Variants in KCNH8 observed in about 807,000 individuals in gnomAD.
KCNH8 encodes potassium voltage-gated channel subfamily H member 8.
Under a neutral mutation model 103.6 loss-of-function variants are expected in KCNH8, and 70 were observed. That is an observed-to-expected ratio of 0.68 (90% CI 0.56 to 0.82). The LOEUF is 0.82. Ranked by LOEUF, KCNH8 falls within the 40% of genes least tolerant of loss-of-function variation. The pLI is 0.00. For synonymous variants in KCNH8, 498 were observed against 489.4 expected (o/e 1.02, Z -0.23); for missense variants, 1,217 against 1,329.9 (o/e 0.92, Z 1.32).
chr3:19,436,745 AACAG>A (rs2067205555), intron 7 of KCNH8, among the ~76,000 whole-genome samples: 1 of 152,216 alleles, frequency 6.6e-6, no homozygotes, highest in South Asian at 2.1e-4. Flanking sequence ...TGTGTAAATG[AACAG>A]ACATTGAGTA....
intron 1 of KCNH8, among the ~76,000 whole-genome samples, chr3:19,231,650 C>G (rs537634894): frequency 2.0e-5 from 3 of 152,266 alleles, no homozygotes; most frequent in African/African-American, 7.2e-5. Context: ...GGCCAGCCTA[C>G]AAGATCATAT....
At chr3:19,270,171 A>G (rs1448830154) in intron 2 of KCNH8, among the ~76,000 whole-genome samples, 4 of 152,116 alleles carry the variant, frequency 2.6e-5, no homozygotes, top group Non-Finnish European at 2.9e-5. Flanking sequence ...TTTTTAATGT[A>G]TTGTCTATTA....
At chr3:19,502,366 C>T (rs1359730642) in intron 11 of KCNH8, among the ~76,000 whole-genome samples, 1 of 150,192 alleles carries the variant, frequency 6.7e-6, no homozygotes, top group Non-Finnish European at 1.5e-5. Flanking sequence ...TTTACAGATT[C>T]AATGCCATCC....
At chr3:19,212,312 G>A (rs1275413441) in intron 1 of KCNH8, among the ~76,000 whole-genome samples, 1 of 152,126 alleles carries the variant, frequency 6.6e-6, no homozygotes, top group Non-Finnish European at 1.5e-5. Context: ...TTGAAACCCA[G>A]ACCCACTTGA....
At chr3:19,474,143 A>G (rs2067920363) in intron 11 of KCNH8, among the ~76,000 whole-genome samples, 1 of 152,208 alleles carries the variant, frequency 6.6e-6, no homozygotes, top group African/African-American at 2.4e-5. Flanking sequence ...TGTTAGATTT[A>G]GTGCATGGTA....
At chr3:19,234,727 C>T (rs866368924) in intron 1 of KCNH8, among the ~76,000 whole-genome samples, 15 of 152,380 alleles carry the variant, frequency 9.8e-5, no homozygotes, top group East Asian at 1.9e-4. Context: ...CCTCAAGTGC[C>T]GCCAAAGTAG....
At chr3:19,454,020 T>A (rs982416285) in intron 10 of KCNH8, among the ~76,000 whole-genome samples, 3 of 152,288 alleles carry the variant, frequency 2.0e-5, no homozygotes, top group Admixed American at 1.3e-4. Flanking sequence ...CATCCTCTTA[T>A]GTTTTTCTCC....
At chr3:19,284,508 GGTGTGTGTGTGTGTGTGTGT>G (rs66509260) in intron 3 of KCNH8, among the ~76,000 whole-genome samples, 6 of 136,622 alleles carry the variant, frequency 4.4e-5, no homozygotes, top group South Asian at 2.5e-4. Context: ...TGGATCTGCT[GGTGTGTGTGTGTGTGTGTGT>G]GTGTGTGTGT....
At chr3:19,334,261 G>GA (rs1249107968) in intron 3 of KCNH8, among the ~76,000 whole-genome samples, 17 of 152,246 alleles carry the variant, frequency 1.1e-4, no homozygotes, top group African/African-American at 3.6e-4. Context: ...CAGGCTTTTA[G>GA]TCCTGAGCAG....
At chr3:19,489,417 T>C (rs1343421063) in intron 11 of KCNH8, among the ~76,000 whole-genome samples, 1 of 152,102 alleles carries the variant, frequency 6.6e-6, no homozygotes, top group East Asian at 1.9e-4. Context: ...AAACTAACTG[T>C]AACCAAGAAT....
chr3:19,290,306 G>A (rs1342158745), intron 3 of KCNH8, among the ~76,000 whole-genome samples: 1 of 152,110 alleles, frequency 6.6e-6, no homozygotes, highest in Non-Finnish European at 1.5e-5. Context: ...GTGAGAGAGG[G>A]CATCCCTGTC....
At chr3:19,403,342 A>G (rs1316227729) in intron 7 of KCNH8, among the ~76,000 whole-genome samples, 1 of 138,344 alleles carries the variant, frequency 7.2e-6, no homozygotes, top group East Asian at 2.2e-4. Context: ...GTTCCCCCCC[A>G]TGAAATACAT....
At chr3:19,411,882 C>T (rs1044373795) in intron 7 of KCNH8, among the ~76,000 whole-genome samples, 2 of 151,884 alleles carry the variant, frequency 1.3e-5, no homozygotes, top group African/African-American at 4.8e-5. Context: ...ATAGATGACA[C>T]ACACAAATGG....
chr3:19,321,840 G>A (rs2065354410), intron 3 of KCNH8, among the ~76,000 whole-genome samples: 1 of 151,906 alleles, frequency 6.6e-6, no homozygotes, highest in African/African-American at 2.4e-5. Context: ...AGTAGCAATT[G>A]TTTTATAAAT....
chr3:19,409,632 G>A (rs2066745649), intron 7 of KCNH8, among the ~76,000 whole-genome samples: 1 of 152,076 alleles, frequency 6.6e-6, no homozygotes, highest in Non-Finnish European at 1.5e-5. Context: ...TGTTTCACAC[G>A]TACTGACACC....
chr3:19,450,124 T>C lies in KCNH8; in HGVS notation c.1394T>C (p.Val465Ala). The C allele has an allele frequency of 6.2e-7, 1 of 1,613,634 alleles. No individual in the cohort carries two copies. ...MLIGALMHAL[V>A]FGNVTAIIQR... ...TTTCTAGCCTTGATGCACGCCTTGG[T>C]GTTTGGAAACGTGACAGCAATCATA... Residue 465 changes from valine to alanine, a missense_variant, in exon 9 of 16, where the codon GTG becomes GCG. Physicochemically the swap from Val to Ala is moderately conservative, Grantham distance 64 (BLOSUM62 0). This residue lies in a region of KCNH8 where 415 missense variants were observed against 577.4 expected (regional missense o/e 0.72). Coordinates refer to ENST00000328405, the MANE Select transcript of KCNH8 (RefSeq NM_144633.3).
chr3:19,490,693 T>TC (rs981392769), intron 11 of KCNH8, among the ~76,000 whole-genome samples: 5 of 151,968 alleles, frequency 3.3e-5, no homozygotes, highest in Admixed American at 6.6e-5. Context: ...AGGGGTGGTC[T>TC]CCCCCCCTTA....
intron 3 of KCNH8, among the ~76,000 whole-genome samples, chr3:19,307,859 A>G (rs2065150291): frequency 1.3e-5 from 2 of 152,054 alleles, no homozygotes; most frequent in South Asian, 4.1e-4. Flanking sequence ...TGACAAAAGT[A>G]AAAAGTAGAA....
chr3:19,261,150 T>G (rs149162298), intron 2 of KCNH8, among the ~76,000 whole-genome samples: 77 of 151,606 alleles, frequency 5.1e-4, no homozygotes, highest in Non-Finnish European at 9.7e-4. Flanking sequence ...GTAGTTCTAT[T>G]TTTAATTTAT....
Sources: gnomAD v4.1 joint callset for allele counts (sites outside exome capture counted in the v4.1 genomes callset) on GRCh38, gnomAD v4.1.1 for gene constraint, gnomAD v4.1.1 regional missense constraint, MANE v1.5 for transcripts, NCBI Gene and HGNC (gene_info 2026-07-23, HGNC 2026-07-21) for gene names.